The following HMGCL variants were observed in gnomAD, a reference collection of about 807,000 sequenced individuals.
The protein encoded by HMGCL is 3-hydroxy-3-methylglutaryl-CoA lyase, also known as hydroxymethylglutaryl-CoA lyase, mitochondrial.
HMGCL carries 26 observed loss-of-function variants against 37.3 expected under a neutral mutation model. That is an observed-to-expected ratio of 0.70 (90% CI 0.51 to 0.97). The LOEUF (loss-of-function observed/expected upper bound fraction) is 0.97. Among genes scored for constraint, HMGCL ranks in the 50% least tolerant of loss-of-function variants. The pLI is 0.00. For missense variants in HMGCL, 379 were observed against 398.1 expected (o/e 0.95, Z 0.41); for synonymous variants, 151 against 148.0 (o/e 1.02, Z -0.15).
intron 5 of HMGCL, among the ~76,000 whole-genome samples, chr1:23,813,520 GT>G (rs777673077): frequency 7.6e-4 from 116 of 152,092 alleles, no homozygotes; most frequent in Non-Finnish European, 1.2e-3. Flanking sequence ...CACCTGCCTT[GT>G]CCTCCCAAAG....
chr1:23,822,906 T>A (rs1247149607), intron 1 of HMGCL, among the ~76,000 whole-genome samples: 2 of 152,210 alleles, frequency 1.3e-5, no homozygotes, highest in African/African-American at 4.8e-5. Context: ...CCAAGCGTGG[T>A]GGCTCACGCC....
In HMGCL at chr1:23,816,695, A is replaced by T. The variant is rs762484816; in HGVS notation, c.328T>A (p.Leu110Met). Residue 110 changes from leucine (L) to methionine (M), a missense_variant, in exon 4 of 9, where the codon TTG (leucine) becomes ATG (methionine). By Grantham distance (15) the Leu-to-Met change is conservative (BLOSUM62 2). Transcript: ENST00000374490. Reference sequence around the variant, plus strand: ...CTTACCGCTGCCTCGAAGCCTTTCAAATTTGGGGTCAGGACTGGGTAGTTG... The same window carrying T: ...CTTACCGCTGCCTCGAAGCCTTTCATATTTGGGGTCAGGACTGGGTAGTTG... ...GINYPVLTPN[L>M]KGFEAAVAAG... 6 of 1,611,966 alleles carry T rather than the reference A, an allele frequency of 3.7e-6. No individual in the cohort carries two copies. Among genetic ancestry groups the T allele is most frequent in the Non-Finnish European group, 5.1e-6 (6 of 1,178,040 alleles).
Position 23,813,962 on chromosome 1 carries a change from G to A in HMGCL, c.497+228C>T, listed in dbSNP as rs760295548. 1.8e-5 allele frequency: 10 copies of A among 568,202 alleles called. No homozygotes were observed. In the Admixed American group the frequency reaches 1.9e-4, roughly 11 times the overall value. 35.2% of individuals were successfully genotyped at this position (568,202 alleles called of 1,614,324 possible). A position where few individuals can be genotyped will look rare whatever the true frequency, so the allele number is the denominator to read the frequency against. On this transcript the variant is annotated intron_variant, in intron 5 of 8. Coordinates refer to ENST00000374490, the MANE Select transcript of HMGCL (RefSeq NM_000191.3). ...CTCCCAAGTTGCTAGGACTACAGGC[G>A]CATGCTATCATGGCTAGCTGGTAAA...
In HMGCL at chr1:23,817,557, G is replaced by A. The variant is rs2148424231; in HGVS notation, c.171C>T (p.Ile57=). ...EKNIVSTPVK[I]KLIDMLSEAG... is the part of the protein sequence containing the mutation. ...CTTCAGAAAGCATGTCTATCAGCTT[G>A]ATTTTCACTGGAGTAGATACGATAT... Residue 57 remains isoleucine (I), a synonymous_variant, in exon 3 of 9, where the codon ATC becomes ATT. Transcript: ENST00000374490. 2 of 1,611,750 alleles carry A rather than the reference G, an allele frequency of 1.2e-6. No individual in the cohort carries two copies. Among genetic ancestry groups the A allele is most frequent in the Non-Finnish European group, 1.7e-6 (2 of 1,177,838 alleles).
chr1:23,813,523 C>T (rs1638559983), intron 5 of HMGCL, among the ~76,000 whole-genome samples: 2 of 152,120 alleles, frequency 1.3e-5, no homozygotes, highest in Non-Finnish European at 2.9e-5. Context: ...CTGCCTTGTC[C>T]TCCCAAAGTG....
At chr1:23,816,328 T>C in intron 4 of HMGCL, 1 of 351,126 alleles carries the variant, frequency 2.8e-6, no homozygotes, top group Non-Finnish European at 5.5e-6. Flanking sequence ...TTGAAACTCT[T>C]GTGGAGAGTT....
At chr1:23,823,478 G>A (rs1000380428) in intron 1 of HMGCL, among the ~76,000 whole-genome samples, 3 of 151,094 alleles carry the variant, frequency 2.0e-5, no homozygotes, top group African/African-American at 4.9e-5. Flanking sequence ...TCAGCCTCCC[G>A]AGTAGCTGGG....
intron 5 of HMGCL, among the ~76,000 whole-genome samples, chr1:23,813,666 C>T (rs1012759700): frequency 2.0e-5 from 3 of 152,164 alleles, no homozygotes; most frequent in African/African-American, 7.2e-5. Context: ...AACCTACTCC[C>T]TGCTGGGCTA....
chr1:23,816,994 C>T (rs971169039), intron 3 of HMGCL, among the ~76,000 whole-genome samples: 2 of 152,198 alleles, frequency 1.3e-5, no homozygotes, highest in South Asian at 2.1e-4. Context: ...ATGGCCCATA[C>T]TGCCAGCTTT....
At chr1:23,816,878 A>C (rs1638623257) in intron 3 of HMGCL, 108 bp from the exon 4 acceptor site, 1 of 772,658 alleles carries the variant, frequency 1.3e-6, no homozygotes, top group African/African-American at 1.7e-5. Context: ...ACTCTTAGCG[A>C]GTAATTCCTT....
chr1:23,812,601 C>G (rs2148421509), intron 5 of HMGCL, among the ~76,000 whole-genome samples: 1 of 152,248 alleles, frequency 6.6e-6, no homozygotes, highest in African/African-American at 2.4e-5. Context: ...GCAACCTGCC[C>G]ACCTTGGCCT....
chr1:23,823,500 G>A (rs919640031), intron 1 of HMGCL, among the ~76,000 whole-genome samples: 4 of 151,594 alleles, frequency 2.6e-5, no homozygotes, highest in East Asian at 2.0e-4. Flanking sequence ...CTACAGGTGC[G>A]CACCACCACA....
At chr1:23,825,328 C>T (rs1243747943) in intron 1 of HMGCL, 28 bp downstream of exon 1, 1 of 1,543,346 alleles carries the variant, frequency 6.5e-7, no homozygotes, top group East Asian at 2.4e-5. Context: ...CCTGCAGGGC[C>T]GCCGCCTCGG....
intron 5 of HMGCL, 81 bp from the exon 6 acceptor site, chr1:23,810,880 C>A: frequency 9.1e-7 from 1 of 1,103,110 alleles, no homozygotes; most frequent in Non-Finnish European, 1.4e-6. Flanking sequence ...GTTTAACACA[C>A]ATTTCTGATC....
At chr1:23,810,880 C>G in intron 5 of HMGCL, 81 bp from the exon 6 acceptor site, 1 of 1,103,110 alleles carries the variant, frequency 9.1e-7, no homozygotes, top group Non-Finnish European at 1.4e-6. Flanking sequence ...GTTTAACACA[C>G]ATTTCTGATC....
chr1:23,814,440 G>C, intron 4 of HMGCL, 102 bp from the exon 5 acceptor site: 1 of 1,318,894 alleles, frequency 7.6e-7, no homozygotes, highest in Non-Finnish European at 1.1e-6. Flanking sequence ...GCATGATCTC[G>C]GCTCACTGCA....
chr1:23,802,986 T>C (rs1298552247), intron 8 of HMGCL, among the ~76,000 whole-genome samples: 1 of 152,098 alleles, frequency 6.6e-6, no homozygotes, highest in African/African-American at 2.4e-5. Flanking sequence ...TCATATTTGC[T>C]GAAGTGCACT....
At chr1:23,817,909 G>C (rs1387549901) in intron 2 of HMGCL, among the ~76,000 whole-genome samples, 1 of 152,128 alleles carries the variant, frequency 6.6e-6, no homozygotes, top group Non-Finnish European at 1.5e-5. Flanking sequence ...AATTGGCATA[G>C]GACTTCAGCC....
At position 23,820,541 on chromosome 1, in the gene HMGCL, A is replaced by G; in HGVS notation, c.113T>C (p.Val38Ala). ...ATTTTGTAGTCCATCTCGGGGACCA[A>G]CTTCCACAATTTTCACCCGCTTTGG... is the stretch of plus-strand genomic sequence containing the variant. ...TLPKRVKIVE[V>A]GPRDGLQNEK... Residue 38 changes from valine (V) to alanine (A), a missense_variant, in exon 2 of 9, where the codon GTT (valine) becomes GCT (alanine). Val to Ala is a moderately conservative substitution (Grantham distance 64, BLOSUM62 0). Coordinates refer to ENST00000374490, the MANE Select transcript of HMGCL (RefSeq NM_000191.3). 2 of 1,614,084 alleles carry G rather than the reference A, an allele frequency of 1.2e-6. No individual in the cohort carries two copies. The highest frequency in any genetic ancestry group is 1.7e-6 in the Non-Finnish European group (2 of 1,179,956).
Sources: gnomAD v4.1 joint callset for allele counts (sites outside exome capture counted in the v4.1 genomes callset) on GRCh38, gnomAD v4.1.1 for gene constraint, MANE v1.5 for transcripts, NCBI Gene and HGNC (gene_info 2026-07-23, HGNC 2026-07-21) for gene names.